C3orf20: variants seen among roughly 807,000 people sequenced by gnomAD.
C3orf20 encodes uncharacterized protein C3orf20.
C3orf20 carries 76 observed loss-of-function variants against 88.3 expected under a neutral mutation model. The observed-to-expected ratio is 0.86, with a 90% CI of 0.72 to 1.04. The LOEUF (loss-of-function observed/expected upper bound fraction) is 1.04. C3orf20 is among the 50% of genes least tolerant of loss of function. C3orf20 has a pLI of 0.00. For synonymous variants in C3orf20, 436 were observed against 437.4 expected (o/e 1.00, Z 0.04); for missense variants, 1,056 against 1,123.3 (o/e 0.94, Z 0.86).
At chr3:14,700,315 A>C (rs2033199774) in intron 5 of C3orf20, among the ~76,000 whole-genome samples, 1 of 152,132 alleles carries the variant, frequency 6.6e-6, no homozygotes, top group Non-Finnish European at 1.5e-5. Flanking sequence ...AGAGCCTTCT[A>C]TTTGGCCATC....
In C3orf20 at chr3:14,759,969, A is replaced by G. The variant is rs971762893; in HGVS notation, c.2323A>G (p.Lys775Glu). Residue 775 changes from lysine to glutamate, a missense_variant, in exon 14 of 17, where the codon AAG becomes GAG. Physicochemically the swap from Lys to Glu is moderately conservative, Grantham distance 56. Transcript: ENST00000253697. ...LQEDPPLMVK[K>E]NSVVQGMILM... ...GGAGGACCCTCCCCTGATGGTGAAG[A>G]AGAACTCTGTGGTGCAGGGGATGAT... is the stretch of plus-strand genomic sequence containing the variant. 2 of 1,614,106 alleles carry G rather than the reference A, an allele frequency of 1.2e-6. No homozygotes were observed. Among genetic ancestry groups the G allele is most frequent in the African/African-American group, 1.3e-5 (1 of 75,034 alleles).
At chr3:14,713,306 A>G (rs2033819394) in intron 7 of C3orf20, among the ~76,000 whole-genome samples, 1 of 152,016 alleles carries the variant, frequency 6.6e-6, no homozygotes, top group Non-Finnish European at 1.5e-5. Context: ...GGTATGCTTG[A>G]TGGCCTCCCA....
chr3:14,735,244 GT>G (rs2125000135), intron 12 of C3orf20, among the ~76,000 whole-genome samples: 1 of 151,326 alleles, frequency 6.6e-6, no homozygotes, highest in East Asian at 1.9e-4. Flanking sequence ...TTAAATATTT[GT>G]ACCACCTTAC....
intron 1 of C3orf20, among the ~76,000 whole-genome samples, chr3:14,680,839 T>C (rs1451972997): frequency 6.6e-6 from 1 of 152,250 alleles, no homozygotes; most frequent in Non-Finnish European, 1.5e-5. Context: ...ACAGTCAGGA[T>C]CAGATCCCTC....
intron 6 of C3orf20, among the ~76,000 whole-genome samples, chr3:14,703,785 A>T (rs1050192317): frequency 5.3e-5 from 8 of 152,316 alleles, no homozygotes; most frequent in Non-Finnish European, 1.2e-4. Context: ...GACCCTTGAC[A>T]TGGGTGATTA....
intron 4 of C3orf20, among the ~76,000 whole-genome samples, chr3:14,685,521 A>C (rs1231878864): frequency 2.0e-5 from 3 of 147,646 alleles, no homozygotes; most frequent in Non-Finnish European, 3.0e-5. Flanking sequence ...TATGTGTGTT[A>C]AGAACACAAA....
intron 10 of C3orf20, 85 bp downstream of exon 10, chr3:14,721,869 C>G (rs1353316405): frequency 6.5e-7 from 1 of 1,548,666 alleles, no homozygotes; most frequent in Non-Finnish European, 8.8e-7. Context: ...GGCCTTTGCT[C>G]TTACTCCCCA....
intron 12 of C3orf20, among the ~76,000 whole-genome samples, chr3:14,749,717 G>C (rs886939577): frequency 2.1e-5 from 3 of 144,732 alleles, no homozygotes; most frequent in Admixed American, 1.4e-4. Flanking sequence ...TTTACTGTAT[G>C]GTTTTGAATT....
chr3:14,710,129 G>A (rs73024108), intron 7 of C3orf20, among the ~76,000 whole-genome samples: 2,919 of 150,742 alleles, frequency 0.019, 54 homozygotes, highest in Non-Finnish European at 0.025. Context: ...GTCCATCTAC[G>A]TTATCTGACT....
chr3:14,694,873 C>T (rs1016012449), intron 5 of C3orf20, among the ~76,000 whole-genome samples: 10 of 152,192 alleles, frequency 6.6e-5, no homozygotes, highest in Admixed American at 2.0e-4. Context: ...TCACTGCAAC[C>T]TCCACCTCCC....
At chr3:14,723,522 C>A (rs1246978239) in intron 10 of C3orf20, among the ~76,000 whole-genome samples, 2 of 152,212 alleles carry the variant, frequency 1.3e-5, no homozygotes, top group Non-Finnish European at 2.9e-5. Context: ...ATGGAAGAGG[C>A]AAAAGCATGG....
At chr3:14,736,049 A>C (rs762307013) in intron 12 of C3orf20, among the ~76,000 whole-genome samples, 1 of 152,092 alleles carries the variant, frequency 6.6e-6, no homozygotes, top group Non-Finnish European at 1.5e-5. Context: ...TATCCCTTTC[A>C]TCCAAATGTT....
At chr3:14,704,263 G>A (rs2033402267) in intron 6 of C3orf20, 74 bp from the exon 7 acceptor site, 2 of 1,497,590 alleles carry the variant, frequency 1.3e-6, no homozygotes, top group African/African-American at 2.8e-5. Context: ...GGGCACTAAG[G>A]AGGGGCTGTA....
chr3:14,697,061 A>G (rs760584594), intron 5 of C3orf20, among the ~76,000 whole-genome samples: 5 of 152,078 alleles, frequency 3.3e-5, no homozygotes, highest in Non-Finnish European at 7.4e-5. Flanking sequence ...GCTCCATTGT[A>G]TGTTATTTGT....
At chr3:14,682,552 ACT>A in intron 2 of C3orf20, 24 bp from the exon 3 acceptor site, 1 of 952,046 alleles carries the variant, frequency 1.1e-6, no homozygotes, top group Non-Finnish European at 1.6e-6. Flanking sequence ...AGAGTGACTA[ACT>A]CTTTTCTTGT....
At position 14,715,314 on chromosome 3, in the gene C3orf20, G is replaced by T; in HGVS notation, c.1339G>T (p.Glu447Ter). 6.2e-7 allele frequency: 1 copy of T among 1,612,404 alleles called. No individual in the cohort carries two copies. Among genetic ancestry groups the T allele is most frequent in the Non-Finnish European group, 8.5e-7 (1 of 1,179,774 alleles). Residue 447 changes from glutamate (E) to a stop codon, truncating the protein, a stop_gained, in exon 9 of 17, where the codon GAG becomes TAG. Coordinates refer to ENST00000253697, the MANE Select transcript of C3orf20 (RefSeq NM_032137.5). LOFTEE classifies it high-confidence loss of function. ...TTGCCCATATGTCTTAATCTTGGAT[G>T]AGGAAGGTGGGACCACCAATGACCA... The part of the protein sequence containing the change: ...TSCPYVLILD[E>*]EGGTTNDQQG...
Position 14,714,120 on chromosome 3 carries a change from C to A in C3orf20, c.1274C>A (p.Thr425Asn), listed in dbSNP as rs752686717. 3 of 1,613,922 alleles carry A rather than the reference C, an allele frequency of 1.9e-6. No homozygotes were observed. The East Asian group carries it at 6.7e-5, about 36-fold the overall frequency. Residue 425 changes from threonine (T) to asparagine (N), a missense_variant, in exon 8 of 17, where the codon ACT becomes AAT. Thr to Asn is a moderately conservative substitution (Grantham distance 65, BLOSUM62 0). Coordinates refer to ENST00000253697, the MANE Select transcript of C3orf20 (RefSeq NM_032137.5). ...TTCTCCTTGCTGGCCCTATTCAATA[C>A]TGAAGGCCAGGGCTGTGTTCACTAC... ...PGFSLLALFN[T>N]EGQGCVHYNL...
chr3:14,675,881 G>A (rs1316124769), intron 1 of C3orf20, among the ~76,000 whole-genome samples: 2 of 151,966 alleles, frequency 1.3e-5, no homozygotes, highest in Admixed American at 1.3e-4. Flanking sequence ...AGTAGAAATG[G>A]GGTTTCACCC....
intron 10 of C3orf20, among the ~76,000 whole-genome samples, chr3:14,724,174 A>G (rs1007437765): frequency 3.9e-5 from 6 of 152,194 alleles, no homozygotes; most frequent in Admixed American, 1.3e-4. Flanking sequence ...TCACCTATCT[A>G]TGTTTCTTGG....
Sources: gnomAD v4.1 joint callset for allele counts (sites outside exome capture counted in the v4.1 genomes callset) on GRCh38, gnomAD v4.1.1 for gene constraint, MANE v1.5 for transcripts, NCBI Gene and HGNC (gene_info 2026-07-23, HGNC 2026-07-21) for gene names.